Variants in RP1 observed in about 807,000 individuals in gnomAD.
The protein encoded by RP1 is oxygen-regulated protein 1.
A neutral mutation model predicts 14.8 loss-of-function variants in RP1; 16 were observed. That is an observed-to-expected ratio of 1.08 (90% CI 0.73 to 1.65). The LOEUF is 1.65. Ranked by LOEUF, RP1 falls within the 40% of genes most tolerant of loss-of-function variation. The probability of loss-of-function intolerance (pLI) is 0.00; values close to 1 mark genes in which losing one functional copy is unlikely to be tolerated. For synonymous variants in RP1, 876 were observed against 883.6 expected (o/e 0.99, Z 0.15); for missense variants, 2,631 against 2,535.0 (o/e 1.04, Z -0.81).
At chr8:54,834,435 A>T (rs753779136) in intron 24 of RP1, among the ~76,000 whole-genome samples, 3 of 152,068 alleles carry the variant, frequency 2.0e-5, no homozygotes, top group Non-Finnish European at 4.4e-5. Flanking sequence ...TGACACCAAG[A>T]CTAAAGAATA....
intron 6 of RP1, among the ~76,000 whole-genome samples, chr8:54,661,751 A>G (rs182521091): frequency 1.3e-5 from 2 of 152,176 alleles, no homozygotes; most frequent in Admixed American, 6.5e-5. Flanking sequence ...AATATCAGGT[A>G]TTTTATTATT....
At chr8:54,697,391 C>T (rs62514627) in intron 12 of RP1, among the ~76,000 whole-genome samples, 45,443 of 151,728 alleles carry the variant, frequency 0.3, 8,318 homozygotes, top group Middle Eastern at 0.48. Flanking sequence ...CCCGTCTCTA[C>T]GAAAAATACA....
chr8:54,643,117 C>T (rs1806482048), intron 3 of RP1, among the ~76,000 whole-genome samples: 1 of 151,104 alleles, frequency 6.6e-6, no homozygotes, highest in East Asian at 1.9e-4. Flanking sequence ...GAAATTTGTC[C>T]TTTTTCATTT....
At position 54,669,913 on chromosome 8, in the gene RP1, G is replaced by A. The variant is rs940799454; in HGVS notation, c.1324-3937G>A. On this transcript the variant is annotated intron_variant, in intron 7 of 22. Coordinates refer to the RP1 transcript ENST00000636932. ...GGAAGGGGGAGGGATAGCATTAGGA[G>A]AAATACCTAATGTAAATTATGAGTT... Among the ~76,000 whole-genome samples, 7 of 152,178 alleles carry A rather than the reference G, an allele frequency of 4.6e-5. No homozygotes were observed. The East Asian group carries it at 1.4e-3, about 29-fold the overall frequency.
chr8:54,828,882 C>CTTTTTTTTTTTTTTTTT (rs201534661), intron 24 of RP1, among the ~76,000 whole-genome samples: 12 of 83,900 alleles, frequency 1.4e-4, no homozygotes, highest in South Asian at 9.6e-4. Flanking sequence ...TCTTCTTCTT[C>CTTTTTTTTTTTTTTTTT]TTTTTTTTTT....
At chr8:54,770,623 C>T (rs1468514767), downstream of RP1, among the ~76,000 whole-genome samples, 1 of 145,998 alleles carries the variant, frequency 6.8e-6, no homozygotes, top group Non-Finnish European at 1.5e-5. Context: ...CTCAAATTGC[C>T]TAAAACCATG....
In RP1 at chr8:54,626,834, TAATC is replaced by T. The variant is rs1806069993; in HGVS notation, c.2953_2956del (p.Asn985TyrfsTer27). Reference sequence around the variant, plus strand: ...CTAAAATTGCCGGTTTGACAGGAGATAATCTATGTAAAGAGGGAGATAAGTCTTT... The same window carrying T: ...CTAAAATTGCCGGTTTGACAGGAGATTATGTAAAGAGGGAGATAAGTCTTT... On this transcript the variant is annotated frameshift_variant, in exon 4 of 4. Coordinates refer to ENST00000220676, the MANE Select transcript of RP1 (RefSeq NM_006269.2). LOFTEE classifies it low-confidence loss of function (END_TRUNC). 1 of 1,613,854 alleles carries T rather than the reference TAATC, an allele frequency of 6.2e-7. No individual in the cohort carries two copies. The highest frequency in any genetic ancestry group is 8.5e-7 in the Non-Finnish European group (1 of 1,179,954).
chr8:54,625,658 C>T lies in RP1; in HGVS notation c.1776C>T (p.Ile592=). Residue 592 remains isoleucine (I), a synonymous_variant, in exon 4 of 4, where the codon ATC becomes ATT. Transcript: ENST00000220676. The part of the protein sequence containing the change: ...DCVVLDNKTG[I]KNFKTYGNTN... ...TGGTATTGGACAACAAAACTGGTAT[C>T]AAGAACTTCAAAACTTATGGTAACA... The T allele has an allele frequency of 6.2e-7, 1 of 1,614,094 alleles. No individual in the cohort carries two copies.
chr8:54,751,904 C>T (rs934172893), intron 19 of RP1, among the ~76,000 whole-genome samples: 11 of 152,142 alleles, frequency 7.2e-5, no homozygotes, highest in African/African-American at 1.2e-4. Context: ...CAGTGGTGTT[C>T]GTGGGGTTGC....
chr8:54,682,341 T>A (rs1807456089), intron 12 of RP1, among the ~76,000 whole-genome samples: 1 of 152,028 alleles, frequency 6.6e-6, no homozygotes, highest in Non-Finnish European at 1.5e-5. Context: ...GCTGCACCTA[T>A]CAACCCATCA....
chr8:54,776,025 A>AC (rs1341627119), intron 23 of RP1, among the ~76,000 whole-genome samples: 1 of 152,230 alleles, frequency 6.6e-6, no homozygotes, highest in Non-Finnish European at 1.5e-5. Flanking sequence ...CCAGAAAAAA[A>AC]CCCAAACAAT....
chr8:54,794,312 T>C (rs1810532451), intron 24 of RP1, among the ~76,000 whole-genome samples: 1 of 151,852 alleles, frequency 6.6e-6, no homozygotes, highest in Admixed American at 6.6e-5. Context: ...TTTCACACTA[T>C]ATTCTAAAGC....
At chr8:54,786,847 T>C (rs1361065199) in intron 24 of RP1, among the ~76,000 whole-genome samples, 1 of 152,130 alleles carries the variant, frequency 6.6e-6, no homozygotes, top group East Asian at 1.9e-4. Flanking sequence ...ACTGGCCCAA[T>C]ATAAATTTGG....
At chr8:54,746,528 C>T (rs1585656543) in intron 19 of RP1, among the ~76,000 whole-genome samples, 3 of 151,954 alleles carry the variant, frequency 2.0e-5, no homozygotes, top group Admixed American at 2.0e-4. Context: ...GTAGCTTCTA[C>T]CCAAAACAAG....
At chr8:54,621,667 C>A in intron 2 of RP1, 86 bp downstream of exon 2, 1 of 1,591,890 alleles carries the variant, frequency 6.3e-7, no homozygotes, top group Non-Finnish European at 8.6e-7. Flanking sequence ...TGGTGGCCCC[C>A]GGGAAGGAAA....
intron 4 of RP1, among the ~76,000 whole-genome samples, chr8:54,650,979 T>TA (rs897428447): frequency 5.9e-5 from 9 of 151,824 alleles, no homozygotes; most frequent in African/African-American, 2.2e-4. Flanking sequence ...ATTTTTTTTT[T>TA]AATCATGAAA....
At chr8:54,711,669 A>T (rs911721754) in intron 15 of RP1, among the ~76,000 whole-genome samples, 1 of 152,174 alleles carries the variant, frequency 6.6e-6, no homozygotes, top group African/African-American at 2.4e-5. Flanking sequence ...CCTAAAACTG[A>T]CCCATGTAAA....
Position 54,625,439 on chromosome 8 carries a change from G to A in RP1, c.1557G>A (p.Gln519=), listed in dbSNP as rs1410724243. 5.6e-6 allele frequency: 9 copies of A among 1,613,804 alleles called. No homozygotes were observed. The highest frequency in any genetic ancestry group is 7.6e-6 in the Non-Finnish European group (9 of 1,180,024). ...TATCTAACAAACCAGTACTTGTTCA[G>A]ATCAATAACAATGATCAAATGGAGG... ...SSVSNKPVLV[Q]INNNDQMEES... The change falls in exon 4 of 4, where the codon CAG becomes CAA. Residue 519 remains glutamine (Q), a synonymous_variant. Transcript: ENST00000220676.
At chr8:54,589,792 C>A (rs1805005711) in intron 1 of RP1, among the ~76,000 whole-genome samples, 1 of 152,134 alleles carries the variant, frequency 6.6e-6, no homozygotes, top group South Asian at 2.1e-4. Context: ...GTCTTTTGGT[C>A]CTCATTGGAA....
Sources: gnomAD v4.1 joint callset for allele counts (sites outside exome capture counted in the v4.1 genomes callset) on GRCh38, gnomAD v4.1.1 for gene constraint, MANE v1.5 for transcripts, NCBI Gene and HGNC (gene_info 2026-07-23, HGNC 2026-07-21) for gene names.